ERC2: variants seen among roughly 807,000 people sequenced by gnomAD.
ERC2 encodes the protein ELKS/RAB6-interacting/CAST family member 2.
Under a neutral mutation model 114.8 loss-of-function variants are expected in ERC2, and 42 were observed. The ratio of observed to expected loss-of-function variants is 0.37; its 90% CI spans 0.29 to 0.47. ERC2 has a LOEUF of 0.47. Ranked by LOEUF, ERC2 falls within the 20% of genes least tolerant of loss-of-function variation. The pLI, the probability that ERC2 is intolerant of heterozygous loss-of-function variation, is 0.99. For synonymous variants in ERC2, 454 were observed against 425.5 expected (o/e 1.07, Z -0.82); for missense variants, 939 against 1,150.7 (o/e 0.82, Z 2.66).
At chr3:55,737,059 T>C (rs2065680265) in intron 14 of ERC2, among the ~76,000 whole-genome samples, 1 of 152,170 alleles carries the variant, frequency 6.6e-6, no homozygotes, top group South Asian at 2.1e-4. Context: ...GGCCCAGGAC[T>C]AAAACCTGGT....
At position 56,435,120 on chromosome 3, in the gene ERC2, G is replaced by A. The variant is rs559427849; in HGVS notation, c.-113C>T. On this transcript the variant is annotated 5_prime_UTR_variant, in exon 2 of 18. It adds an upstream start codon to the 5' untranslated region. Transcript: ENST00000288221. ...TTTCACCGCATTCTTTTCACAGTCC[G>A]TACCAGAAAATAACTCCACTCAGAG... is the stretch of plus-strand genomic sequence containing the variant. 348 of 760,872 alleles carry A rather than the reference G, an allele frequency of 4.6e-4. 3 individuals are homozygous for A. In the South Asian group the frequency reaches 5.7e-3, roughly 12 times the overall value. The allele number at this position is 760,872 out of a possible 1,614,324, so 47.1% of individuals were successfully genotyped here. A position where few individuals can be genotyped will look rare whatever the true frequency, so the allele number is the denominator to read the frequency against.
intron 17 of ERC2, among the ~76,000 whole-genome samples, chr3:55,635,855 T>A (rs528572349): frequency 1.4e-3 from 213 of 150,784 alleles, no homozygotes; most frequent in Non-Finnish European, 2.0e-3. Context: ...TTTTAATTTT[T>A]ATTTTTATTT....
chr3:55,839,120 T>C (rs978718936), intron 14 of ERC2, among the ~76,000 whole-genome samples: 1 of 151,492 alleles, frequency 6.6e-6, no homozygotes, highest in Non-Finnish European at 1.5e-5. Context: ...GAAACAAAGA[T>C]AAGGATAACA....
At chr3:55,705,857 CTTTTA>C (rs145166882) in intron 15 of ERC2, among the ~76,000 whole-genome samples, 3 of 152,086 alleles carry the variant, frequency 2.0e-5, no homozygotes, top group Non-Finnish European at 2.9e-5. Context: ...TCATTAAGCA[CTTTTA>C]TTTTATTTTA....
intron 14 of ERC2, among the ~76,000 whole-genome samples, chr3:55,862,823 T>C (rs534410048): frequency 8.5e-5 from 13 of 152,186 alleles, no homozygotes; most frequent in Non-Finnish European, 1.6e-4. Flanking sequence ...GACTGAATTA[T>C]GGTTTTATCA....
chr3:56,320,697 T>A (rs953584166), intron 2 of ERC2, among the ~76,000 whole-genome samples: 7 of 152,120 alleles, frequency 4.6e-5, no homozygotes, highest in Non-Finnish European at 8.8e-5. Context: ...AGGATTGATA[T>A]GAAGGAAAGA....
chr3:56,283,461 TC>T (rs1466275222), intron 3 of ERC2, among the ~76,000 whole-genome samples: 3 of 152,048 alleles, frequency 2.0e-5, no homozygotes, highest in Non-Finnish European at 2.9e-5. Context: ...TAAGACCCCA[TC>T]TAAAAAATAA....
intron 13 of ERC2, among the ~76,000 whole-genome samples, chr3:55,906,678 G>A (rs2064474131): frequency 6.6e-6 from 1 of 152,106 alleles, no homozygotes; most frequent in African/African-American, 2.4e-5. Context: ...ACTTTCCAAA[G>A]GGCATTCAAA....
rs569164475 is a variant in ERC2 at position 55,649,656 on chromosome 3, G to A, written c.*39+34138C>T. On this transcript the variant is annotated intron_variant, in intron 17 of 17. Transcript: ENST00000288221. ...AGGGTGAAGAAGATGAGACTCTCTC[G>A]AGGCCACACAGTCAGTGAGGAGCTA... is the stretch of plus-strand genomic sequence containing the variant. 7.2e-5 allele frequency among the ~76,000 whole-genome samples: 11 copies of A among 152,258 alleles called. No homozygotes were observed. In the South Asian group the frequency reaches 1.5e-3, roughly 20 times the overall value.
intron 17 of ERC2, among the ~76,000 whole-genome samples, chr3:55,671,917 A>G (rs1559479314): frequency 6.6e-6 from 1 of 152,198 alleles, no homozygotes; most frequent in Non-Finnish European, 1.5e-5. Flanking sequence ...GTCTCTCTGG[A>G]GTGTGACAGC....
intron 17 of ERC2, among the ~76,000 whole-genome samples, chr3:55,575,484 T>C (rs1476869018): frequency 6.6e-6 from 1 of 152,234 alleles, no homozygotes; most frequent in Admixed American, 6.5e-5. Flanking sequence ...GAAAATCATG[T>C]AACCTCTTGA....
intron 14 of ERC2, among the ~76,000 whole-genome samples, chr3:55,853,508 C>T (rs1202323834): frequency 6.6e-6 from 1 of 151,588 alleles, no homozygotes; most frequent in Non-Finnish European, 1.5e-5. Flanking sequence ...GCCTGGGAGA[C>T]AGAGTGAGAC....
At chr3:55,899,715 AT>A (rs1188037550) in intron 13 of ERC2, among the ~76,000 whole-genome samples, 15 of 152,222 alleles carry the variant, frequency 9.9e-5, no homozygotes, top group African/African-American at 3.4e-4. Context: ...ATGTGTTGGG[AT>A]TTTTTTGCAT....
At chr3:55,894,885 CTCTT>C (rs1420258734) in intron 13 of ERC2, among the ~76,000 whole-genome samples, 2 of 152,336 alleles carry the variant, frequency 1.3e-5, no homozygotes, top group East Asian at 3.9e-4. Context: ...GAAGTATCAA[CTCTT>C]TCTAATACAG....
intron 13 of ERC2, among the ~76,000 whole-genome samples, chr3:55,892,709 T>A (rs1306207752): frequency 6.6e-6 from 1 of 152,166 alleles, no homozygotes; most frequent in African/African-American, 2.4e-5. Flanking sequence ...TTTATGCACA[T>A]ATAATTGAGA....
chr3:55,734,007 T>G (rs915750599), intron 15 of ERC2, among the ~76,000 whole-genome samples: 3 of 152,210 alleles, frequency 2.0e-5, no homozygotes, highest in Non-Finnish European at 4.4e-5. Context: ...AGGAGAAATA[T>G]CATCTGAAAA....
intron 17 of ERC2, among the ~76,000 whole-genome samples, chr3:55,680,319 T>G (rs2061997293): frequency 6.6e-6 from 1 of 152,216 alleles, no homozygotes; most frequent in African/African-American, 2.4e-5. Flanking sequence ...GAGTTCACAG[T>G]AAGAGCTCAA....
chr3:56,053,921 C>A (rs1172251490), intron 7 of ERC2, among the ~76,000 whole-genome samples: 1 of 152,100 alleles, frequency 6.6e-6, no homozygotes, highest in Non-Finnish European at 1.5e-5. Context: ...CTCAAAGTTA[C>A]AGGAGATACA....
At chr3:56,015,569 C>T (rs1370574021) in intron 8 of ERC2, among the ~76,000 whole-genome samples, 1 of 152,160 alleles carries the variant, frequency 6.6e-6, no homozygotes, top group Non-Finnish European at 1.5e-5. Context: ...GCATAGTATT[C>T]CATGGTATAT....
Sources: allele counts gnomAD v4.1 joint callset (sites outside exome capture counted in the v4.1 genomes callset), GRCh38; gene constraint gnomAD v4.1.1; transcripts MANE v1.5; gene names NCBI Gene and HGNC (gene_info 2026-07-23, HGNC 2026-07-21).